PPP1R12A: variants seen among roughly 807,000 people sequenced by gnomAD.
PPP1R12A encodes the protein protein phosphatase 1 regulatory subunit 12A.
PPP1R12A carries 19 observed loss-of-function variants against 139.6 expected under a neutral mutation model. That is an observed-to-expected ratio of 0.14 (90% CI 0.09 to 0.20). PPP1R12A has a LOEUF of 0.20. Among genes scored for constraint, PPP1R12A ranks in the 10% least tolerant of loss-of-function variants. PPP1R12A has a pLI of 1.00. For synonymous variants in PPP1R12A, 427 were observed against 420.6 expected (o/e 1.02, Z -0.19); for missense variants, 925 against 1,211.5 (o/e 0.76, Z 3.51).
At chr12:79,893,362 TA>T (rs961566021) in intron 1 of PPP1R12A, among the ~76,000 whole-genome samples, 2 of 152,186 alleles carry the variant, frequency 1.3e-5, no homozygotes, top group African/African-American at 4.8e-5. Context: ...TTAAAAATTG[TA>T]TAATTATCTA....
rs143293038 is a variant in PPP1R12A at position 79,853,744 on chromosome 12, T to C, written c.369-8324A>G. Among the ~76,000 whole-genome samples the C allele has an allele frequency of 7.2e-3, 1,102 of 152,358 alleles. 6 individuals are homozygous for C. Among genetic ancestry groups the C allele is most frequent in the Non-Finnish European group, 0.012 (804 of 68,030 alleles). ...GAAAACCATGTATTTATTAAAAACA[T>C]TTACATGCCTTAGCATCTTACTTTA... On this transcript the variant is annotated intron_variant, in intron 2 of 24. Coordinates refer to ENST00000450142, the MANE Select transcript of PPP1R12A (RefSeq NM_002480.3).
intron 3 of PPP1R12A, among the ~76,000 whole-genome samples, chr12:79,844,165 T>A (rs1879115082): frequency 6.6e-6 from 1 of 152,128 alleles, no homozygotes; most frequent in Non-Finnish European, 1.5e-5. Context: ...TTTAGAATAC[T>A]CATCACTCTT....
intron 1 of PPP1R12A, among the ~76,000 whole-genome samples, chr12:79,921,501 C>A (rs552878518): frequency 3.4e-4 from 52 of 152,308 alleles, no homozygotes; most frequent in African/African-American, 1.3e-3. Context: ...CTATAACTTA[C>A]AGAGCTTTCT....
intron 23 of PPP1R12A, chr12:79,779,513 C>T (rs1870155201): frequency 2.1e-6 from 1 of 470,596 alleles, no homozygotes; most frequent in Non-Finnish European, 3.8e-6. Flanking sequence ...TAGACAGAAT[C>T]CTACTGATCG....
chr12:79,793,862 C>A lies in PPP1R12A; in HGVS notation c.2649+1G>T. On this transcript the variant is annotated splice_donor_variant, in intron 19 of 24. Coordinates refer to ENST00000450142, the MANE Select transcript of PPP1R12A (RefSeq NM_002480.3). LOFTEE classifies it high-confidence loss of function. ...TCAATACAAAAAGTAATGGTATTTA[C>A]CTGAGTTTCTTTCTTATTGGATCCC... 1 of 1,576,720 alleles carries A rather than the reference C, an allele frequency of 6.3e-7. No homozygotes were observed.
rs771087717 is a variant in PPP1R12A at position 79,806,302 on chromosome 12, T to C, written c.1687A>G (p.Ile563Val). Reference sequence around the variant, plus strand: ...GTGGTGCTTGGAACACTAGAACTAATCAAATCATCTTGTCTTCTACCAAAG... The same window carrying C: ...GTGGTGCTTGGAACACTAGAACTAACCAAATCATCTTGTCTTCTACCAAAG... ...CSFGRRQDDL[I>V]SSSVPSTTST... The change falls in exon 13 of 25, where the codon ATT becomes GTT. Residue 563 changes from isoleucine to valine, a missense_variant. Coordinates refer to ENST00000450142, the MANE Select transcript of PPP1R12A (RefSeq NM_002480.3). The C allele has an allele frequency of 2.5e-6, 4 of 1,613,628 alleles. No individual in the cohort carries two copies. Among genetic ancestry groups the C allele is most frequent in the Non-Finnish European group, 3.4e-6 (4 of 1,179,732 alleles).
intron 2 of PPP1R12A, among the ~76,000 whole-genome samples, chr12:79,863,152 G>A (rs1881542006): frequency 6.6e-6 from 1 of 152,126 alleles, no homozygotes; most frequent in Non-Finnish European, 1.5e-5. Flanking sequence ...AAGAGAGTGG[G>A]GGCCGATATT....
At chr12:79,932,127 C>T (rs995308316) in intron 1 of PPP1R12A, among the ~76,000 whole-genome samples, 1 of 152,026 alleles carries the variant, frequency 6.6e-6, no homozygotes, top group Non-Finnish European at 1.5e-5. Flanking sequence ...AACAATTAAC[C>T]CCGTTATACA....
chr12:79,890,566 A>C (rs1369688398), intron 1 of PPP1R12A, among the ~76,000 whole-genome samples: 3 of 152,214 alleles, frequency 2.0e-5, no homozygotes, highest in Non-Finnish European at 2.9e-5. Flanking sequence ...AATTAAAATA[A>C]GCATATGTAA....
chr12:79,799,901 C>T (rs781193653), intron 14 of PPP1R12A, among the ~76,000 whole-genome samples: 24 of 151,992 alleles, frequency 1.6e-4, no homozygotes, highest in Non-Finnish European at 2.5e-4. Context: ...CCCAGTTACT[C>T]GGGAGGCTGA....
intron 22 of PPP1R12A, among the ~76,000 whole-genome samples, chr12:79,786,153 C>G (rs541465621): frequency 1.3e-5 from 2 of 152,184 alleles, no homozygotes; most frequent in African/African-American, 4.8e-5. Context: ...CCTTGACATA[C>G]CACAACATTG....
intron 5 of PPP1R12A, among the ~76,000 whole-genome samples, chr12:79,827,858 C>T (rs906236384): frequency 6.6e-6 from 1 of 152,102 alleles, no homozygotes; most frequent in East Asian, 1.9e-4. Flanking sequence ...CTGTCATCAC[C>T]TGCTGTAAGA....
chr12:79,922,215 C>T (rs1887492821), intron 1 of PPP1R12A, among the ~76,000 whole-genome samples: 1 of 152,112 alleles, frequency 6.6e-6, no homozygotes, highest in African/African-American at 2.4e-5. Context: ...GAGCTGTGTT[C>T]ACACCACTGC....
At chr12:79,790,584 C>T in intron 19 of PPP1R12A, 101 bp from the exon 20 acceptor site, 7 of 805,256 alleles carry the variant, frequency 8.7e-6, no homozygotes, top group Non-Finnish European at 1.3e-5. Context: ...TCAATAGAAG[C>T]AAACGAATGA....
intron 14 of PPP1R12A, among the ~76,000 whole-genome samples, chr12:79,798,971 T>G (rs1213445775): frequency 1.3e-5 from 2 of 152,152 alleles, no homozygotes; most frequent in Admixed American, 1.3e-4. Flanking sequence ...AGTAAATTTT[T>G]TGTCTGTTTT....
intron 1 of PPP1R12A, among the ~76,000 whole-genome samples, chr12:79,923,462 C>T (rs1887600219): frequency 6.6e-6 from 1 of 152,034 alleles, no homozygotes; most frequent in South Asian, 2.1e-4. Context: ...TTCTTTAACA[C>T]AGAAATGTTT....
rs544880196 is a variant in PPP1R12A at position 79,889,116 on chromosome 12, G to C, written c.238-16178C>G. 3.3e-5 allele frequency among the ~76,000 whole-genome samples: 5 copies of C among 152,290 alleles called. No homozygotes were observed. The South Asian group carries it at 1.0e-3, about 32-fold the overall frequency. ...CAAATTCCTGGATATTTTGCAAAGT[G>C]AAAAGAACAAATGTAAAACACGAGT... On this transcript the variant is annotated intron_variant, in intron 1 of 24. Coordinates refer to ENST00000450142, the MANE Select transcript of PPP1R12A (RefSeq NM_002480.3).
At chr12:79,870,075 C>G (rs914792212) in intron 2 of PPP1R12A, among the ~76,000 whole-genome samples, 4 of 151,900 alleles carry the variant, frequency 2.6e-5, no homozygotes, top group Non-Finnish European at 5.9e-5. Context: ...GTGAAATTAA[C>G]TGCTGAAAGA....
At chr12:79,777,681 G>A in intron 24 of PPP1R12A, 1 of 964,830 alleles carries the variant, frequency 1.0e-6, no homozygotes, top group South Asian at 4.8e-5. Flanking sequence ...AAAGAAATAG[G>A]AATAAAAAAT....
Sources: gnomAD v4.1 joint callset for allele counts (sites outside exome capture counted in the v4.1 genomes callset) on GRCh38, gnomAD v4.1.1 for gene constraint, MANE v1.5 for transcripts, NCBI Gene and HGNC (gene_info 2026-07-23, HGNC 2026-07-21) for gene names.